The following SIN3B variants were observed in gnomAD, a reference collection of about 807,000 sequenced individuals.
The protein encoded by SIN3B is paired amphipathic helix protein Sin3b.
A neutral mutation model predicts 120.2 loss-of-function variants in SIN3B; 19 were observed. That is an observed-to-expected ratio of 0.16 (90% confidence interval 0.11 to 0.23). The LOEUF (loss-of-function observed/expected upper bound fraction) is 0.23, where lower values mean the gene tolerates loss of function less well. Among genes scored for constraint, SIN3B ranks in the 10% least tolerant of loss-of-function variants. The pLI, the probability that SIN3B is intolerant of heterozygous loss-of-function variation, is 1.00. For synonymous variants in SIN3B, 654 were observed against 653.2 expected, an observed-to-expected ratio of 1.00 and a Z score of -0.02; for missense variants, 1,073 against 1,573.0, an observed-to-expected ratio of 0.68 and a Z score of 5.38.
chr19:16,841,685 G>A lies in SIN3B; in HGVS notation c.382-83G>A, dbSNP rs1971418587. On this transcript the variant is annotated intron_variant, in intron 3 of 18. Coordinates refer to ENST00000248054, the MANE Select transcript of SIN3B (RefSeq NM_001297595.2). ...TCCGTGCTGAGTTTTTTCTGTTCCT[G>A]TGCAGACAGTGGCTGGGCCTGGTGT... 3 of 1,311,270 alleles carry A rather than the reference G, an allele frequency of 2.3e-6. No homozygotes were observed. The African/African-American group carries it at 4.4e-5, about 19-fold the overall frequency. The allele number at this position is 1,311,270 out of a possible 1,614,324, so 81.2% of individuals were successfully genotyped here.
intron 8 of SIN3B, among the ~76,000 whole-genome samples, chr19:16,857,278 C>G (rs1390144539): frequency 6.6e-6 from 1 of 152,160 alleles, no homozygotes; most frequent in Non-Finnish European, 1.5e-5. Flanking sequence ...ATAGACGATT[C>G]TGGTGATTCA....
intron 10 of SIN3B, among the ~76,000 whole-genome samples, 173 bp downstream of exon 10, chr19:16,863,969 G>T (rs1971725416): frequency 6.6e-6 from 1 of 152,204 alleles, no homozygotes; most frequent in South Asian, 2.1e-4. Context: ...CTTTGGGCTG[G>T]CTACCAGATG....
chr19:16,868,517 G>A (rs1005068931), intron 12 of SIN3B, among the ~76,000 whole-genome samples: 1 of 152,338 alleles, frequency 6.6e-6, no homozygotes, highest in Admixed American at 6.5e-5. Flanking sequence ...GTCTAATGGT[G>A]TGAGGGAATG....
intron 9 of SIN3B, 87 bp from the exon 10 acceptor site, chr19:16,863,593 G>A: frequency 1.2e-6 from 1 of 832,518 alleles, no homozygotes; most frequent in East Asian, 2.4e-5. Flanking sequence ...ATGGTATTAT[G>A]TATCTTGGTA....
At chr19:16,858,627 C>T (rs1016523015) in intron 8 of SIN3B, among the ~76,000 whole-genome samples, 10 of 151,896 alleles carry the variant, frequency 6.6e-5, no homozygotes, top group East Asian at 5.8e-4. Context: ...TTTGGGAGGC[C>T]GAGGGGGAAG....
chr19:16,850,324 A>C lies in SIN3B; in HGVS notation c.727-1088A>C, dbSNP rs545251687. Among the ~76,000 whole-genome samples, 4 of 152,278 alleles carry C rather than the reference A, an allele frequency of 2.6e-5. No homozygotes were observed. The East Asian group carries it at 5.8e-4, about 22-fold the overall frequency. On this transcript the variant is annotated intron_variant, in intron 5 of 18. Coordinates refer to ENST00000248054, the MANE Select transcript of SIN3B (RefSeq NM_001297595.2). The stretch of plus-strand genomic sequence containing the variant: ...TTAGTCATTCTTCTCAGAGGTTAGC[A>C]CTTCTAAGTGTCTTGTATATCTTTC...
Position 16,841,722 on chromosome 19 carries a change from T to C in SIN3B, c.382-46T>C, listed in dbSNP as rs779452996. On this transcript the variant is annotated intron_variant, in intron 3 of 18. Transcript: ENST00000248054. ...GCTGGGCCTGGTGTTTTTCACAATC[T>C]GTTTCCAGTGTCGGGCCTGGCAGTA... 8 of 1,563,632 alleles carry C rather than the reference T, an allele frequency of 5.1e-6. No individual in the cohort carries two copies. The African/African-American group carries it at 8.1e-5, about 16-fold the overall frequency.
At position 16,876,566 on chromosome 19, in the gene SIN3B, TG is replaced by T; in HGVS notation, c.2848del (p.Val950TrpfsTer29). ...DTEEAQTEDP[V>X]EVQHLARYVE... is the part of the protein sequence containing the mutation. Reference sequence around the variant, plus strand: ...CCGAGGAGGCCCAGACGGAGGACCCTGTGGAGGTCCAGGTGAGGCCCTGGCC... The same window carrying T: ...CCGAGGAGGCCCAGACGGAGGACCCTTGGAGGTCCAGGTGAGGCCCTGGCC... On this transcript the variant is annotated frameshift_variant, in exon 16 of 19. Transcript: ENST00000248054. LOFTEE classifies it high-confidence loss of function. This position sits in a 1 kb window ranked among gnomAD's most constrained non-coding sequence, Gnocchi z 7.1. 6.2e-7 allele frequency: 1 copy of T among 1,613,006 alleles called. No individual in the cohort carries two copies. The highest frequency in any genetic ancestry group is 8.5e-7 in the Non-Finnish European group (1 of 1,179,614).
At chr19:16,845,444 T>C (rs1329838688) in intron 4 of SIN3B, among the ~76,000 whole-genome samples, 1 of 152,120 alleles carries the variant, frequency 6.6e-6, no homozygotes, top group Non-Finnish European at 1.5e-5. Context: ...GGGTAATTTT[T>C]GTATTTTTAG....
chr19:16,864,364 G>A (rs1249386490), intron 10 of SIN3B, among the ~76,000 whole-genome samples: 1 of 151,948 alleles, frequency 6.6e-6, no homozygotes, highest in Non-Finnish European at 1.5e-5. Flanking sequence ...TGCTTGCTCT[G>A]TTTCCCAGGC....
rs574399036 is a variant in SIN3B, at chr19:16,876,751, C to G, written c.2859+173C>G. ...GGGGTTGCCTCCCTCCCTGCTCCCC[C>G]ACCAGGCTCTCTTCTGTGCCCCCTC... On this transcript the variant is annotated intron_variant, in intron 16 of 18. Coordinates refer to ENST00000248054, the MANE Select transcript of SIN3B (RefSeq NM_001297595.2). This position sits in a 1 kb window ranked among gnomAD's most constrained non-coding sequence, Gnocchi z 7.1. Among the ~76,000 whole-genome samples, 3 of 152,284 alleles carry G rather than the reference C, an allele frequency of 2.0e-5. No homozygotes were observed. Among genetic ancestry groups the G allele is most frequent in the South Asian group, 2.1e-4 (1 of 4,830 alleles).
chr19:16,852,717 GCTT>G (rs1455763458), intron 6 of SIN3B, among the ~76,000 whole-genome samples: 1 of 152,184 alleles, frequency 6.6e-6, no homozygotes, highest in Non-Finnish European at 1.5e-5. Flanking sequence ...CTTCCTGTCC[GCTT>G]CTTGTTGCTG....
intron 5 of SIN3B, among the ~76,000 whole-genome samples, chr19:16,849,630 A>G (rs1971519816): frequency 2.0e-5 from 3 of 152,204 alleles, no homozygotes; most frequent in Non-Finnish European, 4.4e-5. Context: ...AGATTAACTG[A>G]AAAGCAAGAA....
At chr19:16,874,816 T>G (rs62649775) in intron 14 of SIN3B, among the ~76,000 whole-genome samples, 62,247 of 150,346 alleles carry the variant, frequency 0.41, 12,956 homozygotes, top group Non-Finnish European at 0.43. Flanking sequence ...TCTGATCTGG[T>G]CTGGTTTTGG....
At chr19:16,873,461 C>T (rs1568426813) in intron 14 of SIN3B, among the ~76,000 whole-genome samples, 1 of 151,982 alleles carries the variant, frequency 6.6e-6, no homozygotes, top group Admixed American at 6.6e-5. Context: ...ACACCCAGGG[C>T]CCAGCACATG....
intron 13 of SIN3B, 34 bp from the exon 14 acceptor site, chr19:16,871,195 G>A (rs1227733369): frequency 6.2e-7 from 1 of 1,613,654 alleles, no homozygotes; most frequent in African/African-American, 1.3e-5. Context: ...GCGCTCTCCA[G>A]GAGGCATATG....
chr19:16,875,548 CTGTT>C (rs1444290786), intron 14 of SIN3B, among the ~76,000 whole-genome samples: 17 of 124,774 alleles, frequency 1.4e-4, no homozygotes, highest in East Asian at 5.3e-4. Flanking sequence ...TTGGTCTGGT[CTGTT>C]TGGTCTGGTC....
At chr19:16,836,321 T>C (rs563007423) in intron 3 of SIN3B, among the ~76,000 whole-genome samples, 2 of 152,124 alleles carry the variant, frequency 1.3e-5, no homozygotes, top group East Asian at 3.9e-4. Context: ...CAGGCCGTGG[T>C]GTGTGGCCAG....
chr19:16,857,512 AAAATATGTGTGT>A (rs549928533), intron 8 of SIN3B, among the ~76,000 whole-genome samples: 132 of 78,510 alleles, frequency 1.7e-3, no homozygotes, highest in African/African-American at 6.1e-3. Context: ...TAACTTAAAA[AAAATATGTGTGT>A]GTGTGTGTGT....
Sources: gnomAD v4.1 joint callset for allele counts (sites outside exome capture counted in the v4.1 genomes callset) on GRCh38, gnomAD v4.1.1 for gene constraint, Gnocchi (gnomAD v3.1) non-coding constraint, MANE v1.5 for transcripts, NCBI Gene and HGNC (gene_info 2026-07-23, HGNC 2026-07-21) for gene names.